Variants in RNGTT observed in about 807,000 individuals in gnomAD.
The protein encoded by RNGTT is mRNA-capping enzyme.
RNGTT carries 33 observed loss-of-function variants against 79.3 expected under a neutral mutation model. That is an observed-to-expected ratio of 0.42 (90% CI 0.32 to 0.56). The LOEUF (loss-of-function observed/expected upper bound fraction) is 0.56, where lower values mean the gene tolerates loss of function less well. Ranked by LOEUF, RNGTT falls within the 20% of genes least tolerant of loss-of-function variation. RNGTT has a pLI of 0.17. For synonymous variants in RNGTT, 222 were observed against 235.9 expected, an observed-to-expected ratio of 0.94 and a Z score of 0.54; for missense variants, 497 against 739.1, an observed-to-expected ratio of 0.67 and a Z score of 3.80.
intron 1 of RNGTT, among the ~76,000 whole-genome samples, chr6:88,942,752 T>G (rs1261501061): frequency 1.3e-5 from 2 of 152,158 alleles, no homozygotes; most frequent in Non-Finnish European, 2.9e-5. Context: ...AAGCTAAATT[T>G]CATGAAAAAA....
At position 88,665,694 on chromosome 6, in the gene RNGTT, C is replaced by T. The variant is rs148679768; in HGVS notation, c.1506+12659G>A. Among the ~76,000 whole-genome samples the T allele has an allele frequency of 2.8e-3, 428 of 152,298 alleles. 1 individual carries two copies. Among genetic ancestry groups the T allele is most frequent in the African/African-American group, 8.9e-3 (370 of 41,560 alleles). On this transcript the variant is annotated intron_variant, in intron 14 of 15. Transcript: ENST00000369485. ...TGTCACCACTCATTACACTTGGACCCGGCTTCCCCAGGGGTTCAAGAACTT... is the reference window on the plus strand; with the variant it reads ...TGTCACCACTCATTACACTTGGACCTGGCTTCCCCAGGGGTTCAAGAACTT...
intron 13 of RNGTT, among the ~76,000 whole-genome samples, chr6:88,724,838 T>C (rs1217465948): frequency 6.6e-6 from 1 of 152,164 alleles, no homozygotes; most frequent in Admixed American, 6.5e-5. Context: ...TAACCATTTT[T>C]CCCGCCAAAC....
intron 14 of RNGTT, among the ~76,000 whole-genome samples, chr6:88,669,823 GA>G (rs1351577910): frequency 2.6e-5 from 4 of 152,162 alleles, no homozygotes; most frequent in African/African-American, 7.2e-5. Context: ...TGAGAAAACA[GA>G]AGCATAGCCA....
chr6:88,897,971 G>C (rs1783309736), intron 6 of RNGTT, among the ~76,000 whole-genome samples: 1 of 152,050 alleles, frequency 6.6e-6, no homozygotes, highest in Non-Finnish European at 1.5e-5. Flanking sequence ...ATGAGAAAAA[G>C]AGAGCACAAG....
At chr6:88,704,880 T>G (rs1776078746) in intron 13 of RNGTT, among the ~76,000 whole-genome samples, 2 of 152,108 alleles carry the variant, frequency 1.3e-5, no homozygotes, top group Admixed American at 6.5e-5. Context: ...TTGATCATAT[T>G]ATATATTACT....
intron 13 of RNGTT, among the ~76,000 whole-genome samples, chr6:88,701,856 C>G (rs1001832896): frequency 2.6e-5 from 4 of 151,972 alleles, no homozygotes; most frequent in Non-Finnish European, 5.9e-5. Context: ...GTTTGGGCTT[C>G]AGTGAAGTTT....
At chr6:88,682,735 G>T (rs1251564281) in intron 13 of RNGTT, among the ~76,000 whole-genome samples, 1 of 152,032 alleles carries the variant, frequency 6.6e-6, no homozygotes, top group Non-Finnish European at 1.5e-5. Context: ...TACTCTTCCT[G>T]ATCCTCTCCT....
At position 88,939,060 on chromosome 6, in the gene RNGTT, A is replaced by G. The variant is rs1434274294; in HGVS notation, c.174+2011T>C. Among the ~76,000 whole-genome samples the G allele has an allele frequency of 3.3e-5, 5 of 152,186 alleles. No individual in the cohort carries two copies. In the South Asian group the frequency reaches 6.2e-4, roughly 19 times the overall value. ...TTTTGAATTTTCTCTTTGACTTTTA[A>G]CAGTTTGACTATAACGCGTTGTGGA... On this transcript the variant is annotated intron_variant, in intron 2 of 15. Coordinates refer to ENST00000369485, the MANE Select transcript of RNGTT (RefSeq NM_003800.5).
intron 13 of RNGTT, among the ~76,000 whole-genome samples, chr6:88,735,022 G>A (rs1411467751): frequency 6.6e-6 from 1 of 152,062 alleles, no homozygotes; most frequent in Non-Finnish European, 1.5e-5. Context: ...ATAAGCTGAG[G>A]AGCATCTGTA....
At chr6:88,828,966 G>A (rs1162095712) in intron 11 of RNGTT, among the ~76,000 whole-genome samples, 3 of 152,116 alleles carry the variant, frequency 2.0e-5, no homozygotes, top group Non-Finnish European at 4.4e-5. Context: ...ACCCTCTTCA[G>A]GATATTATCC....
intron 13 of RNGTT, among the ~76,000 whole-genome samples, chr6:88,687,972 G>GA (rs1440820520): frequency 3.9e-5 from 6 of 152,126 alleles, no homozygotes; most frequent in East Asian, 3.9e-4. Context: ...TATGTTGAGA[G>GA]AACCTAAAAA....
At chr6:88,899,285 C>A (rs189606555) in intron 6 of RNGTT, among the ~76,000 whole-genome samples, 1 of 149,980 alleles carries the variant, frequency 6.7e-6, no homozygotes, top group African/African-American at 2.5e-5. Context: ...TTTTTTGAGA[C>A]AGCCTATCAC....
chr6:88,963,194 C>CCTAA (rs1785702306), intron 1 of RNGTT, 152 bp downstream of exon 1: 1 of 702,424 alleles, frequency 1.4e-6, no homozygotes. Context: ...GTTCATGTTC[C>CCTAA]CATTCATCCA....
chr6:88,717,723 C>T (rs972779187), intron 13 of RNGTT, among the ~76,000 whole-genome samples: 1 of 152,118 alleles, frequency 6.6e-6, no homozygotes, highest in African/African-American at 2.4e-5. Flanking sequence ...CCTCTCTATC[C>T]AGGAAGCGGG....
chr6:88,868,560 T>C (rs1782250577), intron 8 of RNGTT, among the ~76,000 whole-genome samples: 1 of 152,204 alleles, frequency 6.6e-6, no homozygotes, highest in Admixed American at 6.5e-5. Context: ...CATCCTTCAC[T>C]CATCATCCTC....
chr6:88,920,754 A>G (rs1437039479), intron 4 of RNGTT, among the ~76,000 whole-genome samples: 1 of 152,250 alleles, frequency 6.6e-6, no homozygotes, highest in Non-Finnish European at 1.5e-5. Flanking sequence ...TTCATACTCC[A>G]GGTTTAGGAA....
intron 13 of RNGTT, among the ~76,000 whole-genome samples, chr6:88,757,931 GTCTTAGGCAA>G (rs1778074776): frequency 1.3e-5 from 2 of 152,152 alleles, no homozygotes; most frequent in African/African-American, 4.8e-5. Flanking sequence ...TTAAGTAACA[GTCTTAGGCAA>G]TCTTCATCTG....
intron 10 of RNGTT, among the ~76,000 whole-genome samples, chr6:88,846,010 A>AT (rs1781471380): frequency 6.6e-6 from 1 of 152,234 alleles, no homozygotes; most frequent in African/African-American, 2.4e-5. Context: ...TAAAAAAAAA[A>AT]AAAGTCTAAC....
Position 88,937,886 on chromosome 6 carries a change from T to C in RNGTT, c.174+3185A>G, listed in dbSNP as rs188319896. On this transcript the variant is annotated intron_variant, in intron 2 of 15. Transcript: ENST00000369485. ...TTGACTTCTAGCTTTTCTACCATTG[T>C]GGTCTAAGAAGGTATGTGATATGAT... 8.1e-4 allele frequency among the ~76,000 whole-genome samples: 123 copies of C among 152,346 alleles called. 1 individual carries two copies. In the South Asian group the frequency reaches 0.013, roughly 16 times the overall value.
Sources: allele counts gnomAD v4.1 joint callset (sites outside exome capture counted in the v4.1 genomes callset), GRCh38; gene constraint gnomAD v4.1.1; transcripts MANE v1.5; gene names NCBI Gene and HGNC (gene_info 2026-07-23, HGNC 2026-07-21).